The following BTBD16 variants were observed in gnomAD, a reference collection of about 807,000 sequenced individuals.
The protein encoded by BTBD16 is BTB/POZ domain-containing protein 16.
In BTBD16, 66 loss-of-function variants were observed where a neutral mutation model predicts 67.4. The ratio of observed to expected loss-of-function variants is 0.98; its 90% CI spans 0.80 to 1.20. The LOEUF is 1.20. Among genes scored for constraint, BTBD16 ranks in the 50% most tolerant of loss-of-function variants. BTBD16 has a pLI of 0.00. For synonymous variants in BTBD16, 242 were observed against 236.4 expected (o/e 1.02, Z -0.22); for missense variants, 634 against 616.0 (o/e 1.03, Z -0.31).
intron 7 of BTBD16, chr10:122,293,981 C>A (rs890448397): frequency 4.0e-6 from 1 of 248,938 alleles, no homozygotes; most frequent in Non-Finnish European, 6.4e-6. Context: ...TCCCCTCCCC[C>A]CACCTTGTTT....
chr10:122,283,940 C>T lies in BTBD16; in HGVS notation c.241+16C>T. 6.3e-7 allele frequency: 1 copy of T among 1,592,824 alleles called. No individual in the cohort carries two copies. The highest frequency in any genetic ancestry group is 8.6e-7 in the Non-Finnish European group (1 of 1,160,728). Reference sequence around the variant, plus strand: ...GGGGAAGCAGGTGAGTTTGTGTTATCCATGGATTAAGCCAGAATGTTGCTG... The same window carrying T: ...GGGGAAGCAGGTGAGTTTGTGTTATTCATGGATTAAGCCAGAATGTTGCTG... On this transcript the variant is annotated intron_variant, in intron 4 of 15. Transcript: ENST00000260723.
chr10:122,333,193 A>T lies in BTBD16; in HGVS notation c.1164+680A>T, dbSNP rs193000255. On this transcript the variant is annotated intron_variant, in intron 13 of 15. Coordinates refer to ENST00000260723, the MANE Select transcript of BTBD16 (RefSeq NM_144587.5). ...ATGCATCATCAGAGAGTCCCCTCTG[A>T]GTCATCCCTGGAGAGGCTGGCTCAG... Among the ~76,000 whole-genome samples, 206 of 152,228 alleles carry T rather than the reference A, an allele frequency of 1.4e-3. 1 individual carries two copies. The highest frequency in any genetic ancestry group is 4.8e-3 in the African/African-American group (201 of 41,548).
chr10:122,286,352 A>G, intron 5 of BTBD16, 104 bp downstream of exon 5: 1 of 1,457,944 alleles, frequency 6.9e-7, no homozygotes, highest in East Asian at 2.3e-5. Context: ...TCACTCTAGC[A>G]GTCAAGAGTA....
intron 9 of BTBD16, among the ~76,000 whole-genome samples, chr10:122,301,724 C>G (rs1027962838): frequency 6.6e-6 from 1 of 152,186 alleles, no homozygotes; most frequent in Admixed American, 6.5e-5. Context: ...ACAGCTGTTT[C>G]AGAATGCACC....
Position 122,331,263 on chromosome 10 carries a change from G to A in BTBD16, c.1086+5G>A, listed in dbSNP as rs1590099901. ...ACAGTCAACCATTACCACGCAGTGA[G>A]TTGCCTGCTCTGCAAGGACACAGTT... On this transcript the variant is annotated splice_donor_5th_base_variant and intron_variant, in intron 12 of 15. Coordinates refer to ENST00000260723, the MANE Select transcript of BTBD16 (RefSeq NM_144587.5). 1 of 1,612,362 alleles carries A rather than the reference G, an allele frequency of 6.2e-7. No individual in the cohort carries two copies. Among genetic ancestry groups the A allele is most frequent in the Non-Finnish European group, 8.5e-7 (1 of 1,179,556 alleles).
intron 10 of BTBD16, among the ~76,000 whole-genome samples, chr10:122,322,184 AT>A (rs2096436594): frequency 6.6e-6 from 1 of 151,958 alleles, no homozygotes; most frequent in Admixed American, 6.6e-5. Flanking sequence ...TATGTTTTCT[AT>A]TTCATTAATT....
chr10:122,317,760 C>T (rs2096428476), intron 10 of BTBD16, among the ~76,000 whole-genome samples: 1 of 152,170 alleles, frequency 6.6e-6, no homozygotes, highest in Non-Finnish European at 1.5e-5. Flanking sequence ...CACTATCTTC[C>T]ACCTCCACAT....
At chr10:122,308,874 C>G (rs1382336856) in intron 10 of BTBD16, among the ~76,000 whole-genome samples, 4 of 152,162 alleles carry the variant, frequency 2.6e-5, no homozygotes, top group Non-Finnish European at 5.9e-5. Context: ...GAGCCCCGGG[C>G]TCCTTCACCT....
chr10:122,286,030 G>T, intron 4 of BTBD16, 75 bp from the exon 5 acceptor site: 4 of 1,414,298 alleles, frequency 2.8e-6, no homozygotes, highest in Non-Finnish European at 3.9e-6. Context: ...AAAGGAGCTG[G>T]GGGAGAGGAA....
chr10:122,309,376 C>T lies in BTBD16; in HGVS notation c.911+2068C>T, dbSNP rs374508525. Among the ~76,000 whole-genome samples the T allele has an allele frequency of 2.1e-3, 322 of 150,438 alleles. 1 individual carries two copies. The highest frequency in any genetic ancestry group is 7.3e-3 in the African/African-American group (298 of 40,858). On this transcript the variant is annotated intron_variant, in intron 10 of 15. Transcript: ENST00000260723. ...TGTTTTTTTTTTTGAGAAAGAGTCT[C>T]GCTCTGTCGCCAGGCTGGAGTGCAG...
intron 10 of BTBD16, among the ~76,000 whole-genome samples, chr10:122,312,764 C>T (rs944203760): frequency 2.6e-5 from 4 of 152,134 alleles, no homozygotes; most frequent in Non-Finnish European, 5.9e-5. Context: ...AAGTCCTTTC[C>T]CCATCTTTTC....
chr10:122,331,385 C>T, intron 12 of BTBD16, 127 bp downstream of exon 12: 1 of 1,338,568 alleles, frequency 7.5e-7, no homozygotes, highest in Non-Finnish European at 9.8e-7. Context: ...TCTGGATCAT[C>T]TTCCAGGGAA....
intron 10 of BTBD16, among the ~76,000 whole-genome samples, chr10:122,311,398 C>G (rs2142099882): frequency 6.6e-6 from 1 of 152,154 alleles, no homozygotes; most frequent in Admixed American, 6.5e-5. Context: ...ATACACACAC[C>G]ACTCTACACT....
intron 5 of BTBD16, among the ~76,000 whole-genome samples, chr10:122,289,123 A>G (rs1484154219): frequency 6.6e-6 from 1 of 152,186 alleles, no homozygotes; most frequent in East Asian, 1.9e-4. Context: ...GACAATAGCC[A>G]CCACAGGGAC....
rs75120176 is a variant in BTBD16 at position 122,290,134 on chromosome 10, C to T, written c.475+136C>T. 1.3e-3 allele frequency: 777 copies of T among 583,368 alleles called. 5 individuals are homozygous for T. Among genetic ancestry groups the T allele is most frequent in the African/African-American group, 0.013 (662 of 52,922 alleles). The allele number at this position is 583,368 out of a possible 1,614,324, so 36.1% of individuals were successfully genotyped here. ...TCAGTGCTTTCTTATTAAAAAGGCC[C>T]GAACGTGCAAAGAAAGAAGGGGCGA... On this transcript the variant is annotated intron_variant, in intron 6 of 15. Coordinates refer to ENST00000260723, the MANE Select transcript of BTBD16 (RefSeq NM_144587.5).
intron 4 of BTBD16, 97 bp from the exon 5 acceptor site, chr10:122,286,008 G>T: frequency 8.2e-7 from 1 of 1,214,896 alleles, no homozygotes; most frequent in Non-Finnish European, 1.2e-6. Flanking sequence ...TGTGCTTAAT[G>T]ATCCACCGAG....
intron 10 of BTBD16, among the ~76,000 whole-genome samples, chr10:122,308,873 G>A (rs561355315): frequency 2.0e-4 from 30 of 152,112 alleles, no homozygotes; most frequent in Non-Finnish European, 3.8e-4. Context: ...TGAGCCCCGG[G>A]CTCCTTCACC....
At chr10:122,290,932 C>T in intron 6 of BTBD16, 148 bp from the exon 7 acceptor site, 1 of 1,199,272 alleles carries the variant, frequency 8.3e-7, no homozygotes, top group Non-Finnish European at 1.1e-6. Flanking sequence ...TCGTCAGCTT[C>T]TGGGCGGTGC....
chr10:122,337,951 C>G, intron 15 of BTBD16, 66 bp from the exon 16 acceptor site: 2 of 1,360,796 alleles, frequency 1.5e-6, no homozygotes, highest in Non-Finnish European at 2.1e-6. Context: ...TTCCTCTTTC[C>G]CCTTCTGGGG....
Sources: gnomAD v4.1 joint callset for allele counts (sites outside exome capture counted in the v4.1 genomes callset) on GRCh38, gnomAD v4.1.1 for gene constraint, MANE v1.5 for transcripts, NCBI Gene and HGNC (gene_info 2026-07-23, HGNC 2026-07-21) for gene names.